BLTP1: variants seen among roughly 807,000 people sequenced by gnomAD.
BLTP1 encodes bridge-like lipid transfer protein family member 1.
chr4:122,324,603 T>G, the BLTP1 span: 1 of 1,246,566 alleles, frequency 8.0e-7, no homozygotes, highest in Non-Finnish European at 1.1e-6. Flanking sequence ...GGTCAACTAC[T>G]TTTTTATGTT....
the BLTP1 span, among the ~76,000 whole-genome samples, chr4:122,181,511 G>A: frequency 2.0e-5 from 3 of 151,920 alleles, no homozygotes; most frequent in South Asian, 6.2e-4. Context: ...CCAAGCATAT[G>A]GATCTGCCCT....
At chr4:122,264,524 A>G in the BLTP1 span, 1 of 1,169,680 alleles carries the variant, frequency 8.5e-7, no homozygotes. Flanking sequence ...AATTCTAGTG[A>G]GGCTATACCT....
the BLTP1 span, among the ~76,000 whole-genome samples, chr4:122,230,907 T>G: frequency 1.3e-5 from 2 of 152,114 alleles, no homozygotes; most frequent in Non-Finnish European, 2.9e-5. Context: ...ATGCTTGAAA[T>G]CATCCTGTAT....
the BLTP1 span, among the ~76,000 whole-genome samples, chr4:122,253,633 G>A: frequency 3.3e-5 from 5 of 151,958 alleles, no homozygotes; most frequent in Non-Finnish European, 7.4e-5. Flanking sequence ...GAAAAAGAAC[G>A]AAGCATGCCT....
At chr4:122,327,216 T>C in the BLTP1 span, among the ~76,000 whole-genome samples, 2 of 150,206 alleles carry the variant, frequency 1.3e-5, no homozygotes, top group Admixed American at 1.3e-4. Context: ...CATCTCTCAA[T>C]ATCTGTGGGG....
chr4:122,170,621 A>T, the BLTP1 span: 1 of 1,538,474 alleles, frequency 6.5e-7, no homozygotes, highest in East Asian at 2.5e-5. Context: ...TTAGGCCTTT[A>T]GATGTTGTTC....
At chr4:122,158,009 C>T in the BLTP1 span, among the ~76,000 whole-genome samples, 1 of 152,158 alleles carries the variant, frequency 6.6e-6, no homozygotes, top group Non-Finnish European at 1.5e-5. Context: ...GGTTCCTGAT[C>T]CAAGTGGCTT....
the BLTP1 span, among the ~76,000 whole-genome samples, chr4:122,268,171 A>G: frequency 6.6e-6 from 1 of 152,176 alleles, no homozygotes; most frequent in Non-Finnish European, 1.5e-5. Context: ...ACTATTTATT[A>G]TAAATGTATA....
the BLTP1 span, among the ~76,000 whole-genome samples, chr4:122,241,589 A>G: frequency 6.6e-6 from 1 of 152,192 alleles, no homozygotes; most frequent in Non-Finnish European, 1.5e-5. Flanking sequence ...GACATGATAC[A>G]TGGAGTTGAA....
At chr4:122,318,331 T>A in the BLTP1 span, 9 of 1,327,140 alleles carry the variant, frequency 6.8e-6, no homozygotes, top group Non-Finnish European at 8.6e-6. Context: ...TCCTATCATA[T>A]CTACTGCGTA....
chr4:122,190,479 C>T, the BLTP1 span: 1 of 906,124 alleles, frequency 1.1e-6, no homozygotes, highest in Non-Finnish European at 1.3e-6. Context: ...TTTAAATCTT[C>T]TTGCTTAGCC....
the BLTP1 span, chr4:122,264,093 A>G: frequency 4.3e-6 from 4 of 931,880 alleles, no homozygotes; most frequent in Non-Finnish European, 3.8e-6. Flanking sequence ...CATGTCTGTA[A>G]AATAACCTAA....
At chr4:122,229,329 T>C in the BLTP1 span, 1 of 1,082,660 alleles carries the variant, frequency 9.2e-7, no homozygotes, top group Non-Finnish European at 1.3e-6. Context: ...ATTTATAGTT[T>C]GTCATCTCAC....
At chr4:122,310,098 A>G in the BLTP1 span, among the ~76,000 whole-genome samples, 7 of 152,102 alleles carry the variant, frequency 4.6e-5, no homozygotes. Flanking sequence ...TTAAAAGGTT[A>G]TGAACTAAAA....
At chr4:122,152,447 G>T in the BLTP1 span, 2 of 985,680 alleles carry the variant, frequency 2.0e-6, no homozygotes, top group East Asian at 1.1e-4. Flanking sequence ...GGGCTAAAGG[G>T]TGTGGGCACC....
At chr4:122,312,912 T>C in the BLTP1 span, 1 of 875,376 alleles carries the variant, frequency 1.1e-6, no homozygotes, top group South Asian at 5.3e-5. Context: ...TAGTTTCTTC[T>C]AAGGATGACT....
the BLTP1 span, among the ~76,000 whole-genome samples, chr4:122,152,747 C>T: frequency 6.6e-6 from 1 of 151,996 alleles, no homozygotes; most frequent in South Asian, 2.1e-4. Context: ...ACAGCCCTGG[C>T]ACCTATAAAC....
chr4:122,155,190 T>C, the BLTP1 span, among the ~76,000 whole-genome samples: 1 of 152,142 alleles, frequency 6.6e-6, no homozygotes, highest in South Asian at 2.1e-4. Context: ...AGCAAGTATG[T>C]TTTTGGTTTA....
the BLTP1 span, chr4:122,224,047 T>A: frequency 4.3e-5 from 42 of 979,994 alleles, no homozygotes; most frequent in Non-Finnish European, 4.8e-5. Flanking sequence ...GTCCTCAGAA[T>A]CTATATGGAA....
Sources: gnomAD v4.1 joint callset for allele counts (sites outside exome capture counted in the v4.1 genomes callset) on GRCh38, gnomAD v4.1.1 for gene constraint, MANE v1.5 for transcripts, NCBI Gene and HGNC (gene_info 2026-07-23, HGNC 2026-07-21) for gene names.